Variants in SLC75A1 observed in about 807,000 individuals in gnomAD.
SLC75A1 encodes the protein solute carrier family 75 member 1, also known as major facilitator superfamily domain containing 10.
At chr4:2,932,203 AC>A in the SLC75A1 span, 1 of 1,562,886 alleles carries the variant, frequency 6.4e-7, no homozygotes, top group Non-Finnish European at 8.7e-7. Flanking sequence ...TGGCCTGGCA[AC>A]CCACGGACTG....
chr4:2,931,367 C>CCACT, the SLC75A1 span: 2 of 1,547,682 alleles, frequency 1.3e-6, no homozygotes, highest in Non-Finnish European at 1.7e-6. Context: ...CAGGGCAGGG[C>CCACT]CACTCACCAA....
the SLC75A1 span, chr4:2,933,658 G>C: frequency 6.2e-7 from 1 of 1,613,728 alleles, no homozygotes; most frequent in South Asian, 1.1e-5. Flanking sequence ...AGCCATAGAG[G>C]GGGTCCTAGG....
At chr4:2,933,001 G>A in the SLC75A1 span, 14 of 1,168,142 alleles carry the variant, frequency 1.2e-5, 1 homozygote, top group South Asian at 1.9e-4. Context: ...CCAACCAGTG[G>A]CCATGAGGGG....
chr4:2,933,782 C>G, the SLC75A1 span: 13 of 1,595,394 alleles, frequency 8.1e-6, no homozygotes, highest in East Asian at 2.3e-4. Flanking sequence ...TCCAACAGCC[C>G]GGGCAGCAGG....
the SLC75A1 span, chr4:2,934,181 C>G: frequency 1.8e-6 from 1 of 548,794 alleles, no homozygotes; most frequent in Non-Finnish European, 3.3e-6. Flanking sequence ...TCCTGAGAGA[C>G]CAGGGTGAGC....
chr4:2,932,370 G>A, the SLC75A1 span: 18 of 1,613,258 alleles, frequency 1.1e-5, no homozygotes, highest in East Asian at 4.5e-5. Context: ...CAGGGGCAGC[G>A]TCTCTGGCAG....
chr4:2,932,423 G>T, the SLC75A1 span: 3 of 1,613,612 alleles, frequency 1.9e-6, no homozygotes, highest in Non-Finnish European at 1.7e-6. Context: ...CGAAGAGCAG[G>T]GCAAACCAGG....
chr4:2,930,901 A>C, the SLC75A1 span: 1 of 1,613,030 alleles, frequency 6.2e-7, no homozygotes, highest in Non-Finnish European at 8.5e-7. Context: ...AGGGGAGCAA[A>C]AAGAGCCCGG....
chr4:2,933,380 T>G, the SLC75A1 span, among the ~76,000 whole-genome samples: 1 of 152,100 alleles, frequency 6.6e-6, no homozygotes. Flanking sequence ...TGAGGAAGGA[T>G]CTGAACGTGA....
chr4:2,931,058 C>T, the SLC75A1 span: 5,645 of 1,606,638 alleles, frequency 3.5e-3, 165 homozygotes, highest in African/African-American at 0.061. Context: ...CCCGCGCCCT[C>T]ACCTGAAGCG....
the SLC75A1 span, chr4:2,931,991 C>T: frequency 9.4e-6 from 15 of 1,603,668 alleles, no homozygotes; most frequent in East Asian, 2.2e-5. Flanking sequence ...AGGGCGCCGC[C>T]CGGGGAAGCC....
chr4:2,931,588 G>C, the SLC75A1 span: 1 of 1,613,316 alleles, frequency 6.2e-7, no homozygotes, highest in Non-Finnish European at 8.5e-7. Context: ...CGCCAGGGTG[G>C]ATCCGCCGGG....
chr4:2,932,149 G>T, the SLC75A1 span: 1 of 1,604,648 alleles, frequency 6.2e-7, no homozygotes. Context: ...GGCGATAGAG[G>T]GCGCCTGTGG....
At chr4:2,932,143 A>C in the SLC75A1 span, 1 of 1,606,864 alleles carries the variant, frequency 6.2e-7, no homozygotes, top group African/African-American at 1.3e-5. Context: ...CCCCAGGGCG[A>C]TAGAGGGCGC....
At chr4:2,932,957 TC>T in the SLC75A1 span, 1 of 1,019,056 alleles carries the variant, frequency 9.8e-7, no homozygotes, top group Non-Finnish European at 1.4e-6. Flanking sequence ...GAGCCACTGG[TC>T]CCCCGAGAAC....
the SLC75A1 span, chr4:2,932,425 C>G: frequency 1.9e-6 from 3 of 1,613,714 alleles, no homozygotes; most frequent in South Asian, 1.1e-5. Context: ...AAGAGCAGGG[C>G]AAACCAGGGT....
chr4:2,933,476 G>C, the SLC75A1 span: 3 of 1,396,752 alleles, frequency 2.1e-6, no homozygotes, highest in Non-Finnish European at 3.0e-6. Flanking sequence ...GGGAAGGCAA[G>C]GACCGAGAAT....
chr4:2,933,234 G>A, the SLC75A1 span: 3 of 1,604,166 alleles, frequency 1.9e-6, no homozygotes, highest in Admixed American at 1.7e-5. Flanking sequence ...TCACCATCAT[G>A]GGGCTGCCTG....
At chr4:2,933,115 C>G in the SLC75A1 span, 2 of 1,613,482 alleles carry the variant, frequency 1.2e-6, no homozygotes, top group Non-Finnish European at 1.7e-6. Flanking sequence ...CCAGGCACAG[C>G]AGCATCACCG....
Sources: gnomAD v4.1 joint callset for allele counts (sites outside exome capture counted in the v4.1 genomes callset) on GRCh38, gnomAD v4.1.1 for gene constraint, MANE v1.5 for transcripts, NCBI Gene and HGNC (gene_info 2026-07-23, HGNC 2026-07-21) for gene names.